RGL1: variants seen among roughly 807,000 people sequenced by gnomAD.
RGL1 encodes the protein ral guanine nucleotide dissociation stimulator-like 1.
RGL1 carries 24 observed loss-of-function variants against 95.2 expected under a neutral mutation model. That is an observed-to-expected ratio of 0.25 (90% CI 0.18 to 0.35). The LOEUF (loss-of-function observed/expected upper bound fraction) is 0.35, where lower values mean the gene tolerates loss of function less well. Among genes scored for constraint, RGL1 ranks in the 10% least tolerant of loss-of-function variants. The pLI is 1.00. For synonymous variants in RGL1, 329 were observed against 344.9 expected (o/e 0.95, Z 0.51); for missense variants, 715 against 936.3 (o/e 0.76, Z 3.08).
At chr1:183,806,765 A>G (rs1290540714) in intron 2 of RGL1, among the ~76,000 whole-genome samples, 1 of 151,600 alleles carries the variant, frequency 6.6e-6, no homozygotes, top group African/African-American at 2.4e-5. Flanking sequence ...AGAAAATGAC[A>G]CACAGAATAC....
intron 1 of RGL1, among the ~76,000 whole-genome samples, chr1:183,697,164 A>G (rs1000571274): frequency 6.6e-6 from 1 of 152,086 alleles, no homozygotes; most frequent in African/African-American, 2.4e-5. Flanking sequence ...ACTTCCACCC[A>G]GGGCACTTTC....
At chr1:183,873,859 A>G (rs185862331) in intron 4 of RGL1, among the ~76,000 whole-genome samples, 61 of 152,340 alleles carry the variant, frequency 4.0e-4, no homozygotes, top group African/African-American at 1.4e-3. Context: ...TGAGGAAACA[A>G]GACCAAATTA....
At chr1:183,717,777 AC>A (rs1239897618) in intron 1 of RGL1, among the ~76,000 whole-genome samples, 1 of 152,212 alleles carries the variant, frequency 6.6e-6, no homozygotes, top group African/African-American at 2.4e-5. Context: ...ATAATTTTAG[AC>A]CATGATAAAT....
intron 3 of RGL1, among the ~76,000 whole-genome samples, chr1:183,859,519 CTT>C (rs2102574108): frequency 6.6e-6 from 1 of 152,302 alleles, no homozygotes; most frequent in African/African-American, 2.4e-5. Flanking sequence ...ATCAGGTACT[CTT>C]TTGCTGTTAA....
At chr1:183,877,183 A>G (rs1666543784) in intron 4 of RGL1, among the ~76,000 whole-genome samples, 1 of 152,196 alleles carries the variant, frequency 6.6e-6, no homozygotes. Context: ...GTCTGTGTAC[A>G]GAACCAAGTG....
intron 1 of RGL1, among the ~76,000 whole-genome samples, chr1:183,733,852 T>C (rs1656775492): frequency 6.6e-6 from 1 of 152,232 alleles, no homozygotes; most frequent in Non-Finnish European, 1.5e-5. Context: ...TATTTGGCAG[T>C]ATATGGTATA....
At chr1:183,699,781 G>A (rs1197603575) in intron 1 of RGL1, among the ~76,000 whole-genome samples, 1 of 152,120 alleles carries the variant, frequency 6.6e-6, no homozygotes, top group Non-Finnish European at 1.5e-5. Context: ...GCCTCTGACT[G>A]TCTTGGTTCT....
At chr1:183,751,417 C>A (rs1657989018) in intron 2 of RGL1, among the ~76,000 whole-genome samples, 1 of 152,118 alleles carries the variant, frequency 6.6e-6, no homozygotes, top group Non-Finnish European at 1.5e-5. Context: ...GCTCGAGGGT[C>A]CCAGGTTGAC....
chr1:183,914,548 C>A (rs1668848421), intron 15 of RGL1, among the ~76,000 whole-genome samples: 1 of 152,196 alleles, frequency 6.6e-6, no homozygotes, highest in African/African-American at 2.4e-5. Context: ...TGACAGCCGC[C>A]TTCTCCAAAA....
chr1:183,741,153 G>C (rs1272319900), intron 1 of RGL1, among the ~76,000 whole-genome samples: 2 of 152,182 alleles, frequency 1.3e-5, no homozygotes, highest in African/African-American at 2.4e-5. Context: ...GGTGGGAGAA[G>C]GGAGGTGGAG....
At chr1:183,803,511 G>A (rs1558215415), upstream of RGL1, among the ~76,000 whole-genome samples, 1 of 152,186 alleles carries the variant, frequency 6.6e-6, no homozygotes, top group Non-Finnish European at 1.5e-5. Context: ...GCCAGCCAGG[G>A]AATTGGAGTA....
intron 1 of RGL1, among the ~76,000 whole-genome samples, chr1:183,727,260 C>A (rs986229496): frequency 6.6e-6 from 1 of 152,090 alleles, no homozygotes; most frequent in South Asian, 2.1e-4. Context: ...AAAACCATAT[C>A]ATCATTTCAA....
intron 2 of RGL1, among the ~76,000 whole-genome samples, chr1:183,840,566 G>A (rs565112033): frequency 6.6e-6 from 1 of 152,114 alleles, no homozygotes; most frequent in South Asian, 2.1e-4. Flanking sequence ...CATTCATTAT[G>A]TGAAACCCAG....
At chr1:183,697,980 C>A (rs2102132377) in intron 1 of RGL1, among the ~76,000 whole-genome samples, 1 of 152,204 alleles carries the variant, frequency 6.6e-6, no homozygotes, top group East Asian at 1.9e-4. Flanking sequence ...CTTGGAGAAG[C>A]CAGGGTATTT....
chr1:183,759,979 C>T (rs986419915), intron 2 of RGL1, among the ~76,000 whole-genome samples: 1 of 152,188 alleles, frequency 6.6e-6, no homozygotes, highest in African/African-American at 2.4e-5. Context: ...AGACTCATCA[C>T]ATTAATGGTA....
rs141824533 is a variant in RGL1, at chr1:183,892,939, G to T, written c.1140+778G>T. Among the ~76,000 whole-genome samples the T allele has an allele frequency of 5.8e-4, 88 of 152,354 alleles. No individual in the cohort carries two copies. The East Asian group carries it at 0.016, about 28-fold the overall frequency. On this transcript the variant is annotated intron_variant, in intron 9 of 17. Transcript: ENST00000360851. ...ATTTTGTAGATAGCCAAGACTCAGA[G>T]AGGGTAATAACCTGCCCTAAGGCAT...
intron 1 of RGL1, among the ~76,000 whole-genome samples, chr1:183,666,453 A>G (rs1652045252): frequency 6.6e-6 from 1 of 152,074 alleles, no homozygotes; most frequent in Non-Finnish European, 1.5e-5. Flanking sequence ...TCTTTGACCT[A>G]TGTATTATTT....
At chr1:183,815,673 A>G (rs1455305798) in intron 2 of RGL1, among the ~76,000 whole-genome samples, 3 of 152,186 alleles carry the variant, frequency 2.0e-5, no homozygotes, top group East Asian at 1.9e-4. Flanking sequence ...CATGTGAGCT[A>G]TACAGGCCTG....
intron 1 of RGL1, among the ~76,000 whole-genome samples, chr1:183,740,641 A>G (rs1251429127): frequency 6.6e-6 from 1 of 152,192 alleles, no homozygotes; most frequent in African/African-American, 2.4e-5. Context: ...ATCGTCTTGC[A>G]TTATAAGCTG....
Sources: allele counts gnomAD v4.1 joint callset (sites outside exome capture counted in the v4.1 genomes callset), GRCh38; gene constraint gnomAD v4.1.1; transcripts MANE v1.5; gene names NCBI Gene and HGNC (gene_info 2026-07-23, HGNC 2026-07-21).